The following GDF10 variants were observed in gnomAD, a reference collection of about 807,000 sequenced individuals.
The protein encoded by GDF10 is growth/differentiation factor 10.
Under a neutral mutation model 32.1 loss-of-function variants are expected in GDF10, and 23 were observed. The ratio of observed to expected loss-of-function variants is 0.72; its 90% confidence interval spans 0.52 to 1.02. The LOEUF is 1.02. GDF10 is among the 50% of genes least tolerant of loss of function. The probability of loss-of-function intolerance (pLI) is 0.00; values close to 1 mark genes in which losing one functional copy is unlikely to be tolerated. For synonymous variants in GDF10, 328 were observed against 303.1 expected (o/e 1.08, Z -0.85); for missense variants, 764 against 673.9 (o/e 1.13, Z -1.48).
intron 1 of GDF10, among the ~76,000 whole-genome samples, chr10:47,308,621 C>T (rs2061031643): frequency 6.6e-6 from 1 of 152,182 alleles, no homozygotes; most frequent in Admixed American, 6.5e-5. Context: ...GACCCATGCC[C>T]CTAGAGAGCC....
chr10:47,301,654 G>A, intron 1 of GDF10, among the ~76,000 whole-genome samples: 2 of 152,346 alleles, frequency 1.3e-5, no homozygotes, highest in Non-Finnish European at 2.9e-5. Flanking sequence ...CCTGTTCTGA[G>A]AGCACTTCCA....
At position 47,300,867 on chromosome 10, in the gene GDF10, G is replaced by C. The variant is rs146608336; in HGVS notation, c.216G>C (p.Gln72His). Residue 72 changes from glutamine to histidine, a missense_variant, in exon 1 of 3, where the codon CAG (glutamine) becomes CAC (histidine). Transcript: ENST00000580279. ...CCGCCACGTTGGGCCCCAGCGCCCA[G>C]GACATGGTCGCTGTCCACATGCACA... ...DAAATLGPSAQDMVAVHMHRL... is the reference protein window; with the variant it reads ...DAAATLGPSAHDMVAVHMHRL... 4.0e-4 allele frequency: 629 copies of C among 1,587,740 alleles called. 3 individuals carry two copies. The African/African-American group carries it at 7.0e-3, about 18-fold the overall frequency.
rs781857309 is a variant in GDF10 at position 47,310,517 on chromosome 10, G to T, written c.1041G>T (p.Val347=). 7.4e-6 allele frequency: 12 copies of T among 1,613,738 alleles called. No homozygotes were observed. Among genetic ancestry groups the T allele is most frequent in the Non-Finnish European group, 1.0e-5 (12 of 1,179,724 alleles). ...ACCGCAGGAAGAAGGGCCAGGAGGT[G>T]TTCATGGCCGCCTCGCAGGTGCTGG... is the stretch of plus-strand genomic sequence containing the variant. The part of the protein sequence containing the change: ...RKDRRKKGQE[V]FMAASQVLDF... Residue 347 remains valine, a synonymous_variant, in exon 2 of 3, where the codon GTG becomes GTT. Transcript: ENST00000580279.
At chr10:47,302,718 T>A (rs138246108) in intron 1 of GDF10, among the ~76,000 whole-genome samples, 1 of 152,332 alleles carries the variant, frequency 6.6e-6, no homozygotes, top group Non-Finnish European at 1.5e-5. Flanking sequence ...AACTCCCATC[T>A]GCCAGGTCAT....
chr10:47,311,076 G>A (rs185151567), intron 2 of GDF10, among the ~76,000 whole-genome samples: 4 of 152,228 alleles, frequency 2.6e-5, no homozygotes, highest in Admixed American at 6.5e-5. Flanking sequence ...CTGTACACAC[G>A]GCAGGTCCCA....
chr10:47,308,925 T>C (rs1214993120), intron 1 of GDF10, among the ~76,000 whole-genome samples: 2 of 152,202 alleles, frequency 1.3e-5, no homozygotes, highest in Admixed American at 1.3e-4. Context: ...TTGGGGCAGC[T>C]TCCTGGGACT....
chr10:47,310,221 A>G lies in GDF10; in HGVS notation c.745A>G (p.Asn249Asp). ...PYAPYILVYANDLAISEPNSV... is the reference protein window; with the variant it reads ...PYAPYILVYADDLAISEPNSV... ...TGCGCCCTACATCCTAGTCTATGCC[A>G]ACGATCTGGCCATCTCGGAGCCCAA... The change falls in exon 2 of 3, where the codon AAC (asparagine) becomes GAC (aspartate). Residue 249 changes from asparagine to aspartate, a missense_variant. Physicochemically the swap from Asn to Asp is conservative, Grantham distance 23 (BLOSUM62 1). Transcript: ENST00000580279. 1 of 1,610,724 alleles carries G rather than the reference A, an allele frequency of 6.2e-7. No individual in the cohort carries two copies. The highest frequency in any genetic ancestry group is 8.5e-7 in the Non-Finnish European group (1 of 1,178,768).
At chr10:47,301,628 C>G (rs2061005257) in intron 1 of GDF10, among the ~76,000 whole-genome samples, 2 of 152,226 alleles carry the variant, frequency 1.3e-5, no homozygotes, top group Non-Finnish European at 2.9e-5. Flanking sequence ...AGGGCACTTG[C>G]AAAGGCCCAT....
At position 47,309,958 on chromosome 10, in the gene GDF10, C is replaced by A; in HGVS notation, c.482C>A (p.Pro161Gln). 1 of 1,612,212 alleles carries A rather than the reference C, an allele frequency of 6.2e-7. No homozygotes were observed. Among genetic ancestry groups the A allele is most frequent in the Non-Finnish European group, 8.5e-7 (1 of 1,179,472 alleles). ...KPRAKNASGR[P>Q]LPLGPPTRQH... ...CGGGCCAAGAACGCTTCAGGCCGCC[C>A]GCTGCCCCTGGGCCCGCCCACACGC... The change falls in exon 2 of 3, where the codon CCG becomes CAG. Residue 161 changes from proline (P) to glutamine (Q), a missense_variant. Pro to Gln is a moderately conservative substitution (Grantham distance 76, BLOSUM62 -1). Coordinates refer to ENST00000580279, the MANE Select transcript of GDF10 (RefSeq NM_004962.5).
In GDF10 at chr10:47,310,700, A is replaced by AT. The variant is rs2061043145; in HGVS notation, c.1225dup (p.Cys409LeufsTer2). 2 of 1,612,424 alleles carry AT rather than the reference A, an allele frequency of 1.2e-6. No individual in the cohort carries two copies. Among genetic ancestry groups the AT allele is most frequent in the African/African-American group, 2.7e-5 (2 of 74,898 alleles). On this transcript the variant is annotated frameshift_variant, in exon 2 of 3. Transcript: ENST00000580279. LOFTEE classifies it high-confidence loss of function. ...TTGATGCCTACTACTGCGCGGGAGC[A>AT]TGTGAGTTCCCCATGCCTAAGGTAG...
chr10:47,312,712 G>T lies in GDF10; in HGVS notation c.1357G>T (p.Val453Phe). 1 of 1,608,644 alleles carries T rather than the reference G, an allele frequency of 6.2e-7. No homozygotes were observed. Among genetic ancestry groups the T allele is most frequent in the Non-Finnish European group, 8.5e-7 (1 of 1,177,060 alleles). ...TCCCGATAAGATGAACTCCCTTGGG[G>T]TCCTCTTCCTGGATGAGAATCGGAA... ...CVPDKMNSLG[V>F]LFLDENRNVV... The change falls in exon 3 of 3, where the codon GTC becomes TTC. Residue 453 changes from valine (V) to phenylalanine (F), a missense_variant. Physicochemically the swap from Val to Phe is conservative, Grantham distance 50 (BLOSUM62 -1). Coordinates refer to ENST00000580279, the MANE Select transcript of GDF10 (RefSeq NM_004962.5).
chr10:47,310,186 C>A lies in GDF10; in HGVS notation c.710C>A (p.Pro237His). 1 of 1,611,916 alleles carries A rather than the reference C, an allele frequency of 6.2e-7. No individual in the cohort carries two copies. The highest frequency in any genetic ancestry group is 1.1e-5 in the South Asian group (1 of 90,886). Residue 237 changes from proline to histidine, a missense_variant, in exon 2 of 3, where the codon CCC becomes CAC. Physicochemically the swap from Pro to His is moderately conservative, Grantham distance 77 (BLOSUM62 -2). Coordinates refer to ENST00000580279, the MANE Select transcript of GDF10 (RefSeq NM_004962.5). Reference protein sequence around the residue: ...SEERDPGVPRPSPYAPYILVY... With the variant: ...SEERDPGVPRHSPYAPYILVY... ...GAGAGGGACCCGGGGGTGCCCCGGC[C>A]CAGCCCCTATGCGCCCTACATCCTA...
At position 47,300,697 on chromosome 10, in the gene GDF10, C is replaced by T. The variant is rs782128863; in HGVS notation, c.46C>T (p.Leu16=). ...GACCAGCCCGGGACCCGGGCCCCAG[C>T]TGCTGCTGCTGCTGCTGCCGTTGTT... ...ARTSPGPGPQ[L]LLLLLPLFLL... is the part of the protein sequence containing the mutation. The change falls in exon 1 of 3, where the codon CTG becomes TTG. Residue 16 remains leucine, a synonymous_variant. Transcript: ENST00000580279. The T allele has an allele frequency of 5.3e-5, 82 of 1,546,082 alleles. No individual in the cohort carries two copies. The highest frequency in any genetic ancestry group is 6.9e-5 in the Non-Finnish European group (79 of 1,137,758).
Position 47,300,600 on chromosome 10 carries a change from G to C in GDF10, c.-52G>C, listed in dbSNP as rs782544187. The C allele has an allele frequency of 4.0e-6, 6 of 1,500,892 alleles. No individual in the cohort carries two copies. The highest frequency in any genetic ancestry group is 5.4e-6 in the Non-Finnish European group (6 of 1,120,066). 93.0% of individuals were successfully genotyped at this position (1,500,892 alleles called of 1,614,324 possible). A position where few individuals can be genotyped will look rare whatever the true frequency, so the allele number is the denominator to read the frequency against. On this transcript the variant is annotated 5_prime_UTR_variant, in exon 1 of 3. Transcript: ENST00000580279. ...TCAGTCCGCAGCCTCCGGTGCGCCA[G>C]CGCTCGCCTTCCTCCTCCTGGACTT...
chr10:47,303,993 G>A (rs1555207019), intron 1 of GDF10, among the ~76,000 whole-genome samples: 1 of 152,188 alleles, frequency 6.6e-6, no homozygotes, highest in Non-Finnish European at 1.5e-5. Context: ...AGCAGGCCTG[G>A]GGGGTGGCAT....
chr10:47,310,191 C>T lies in GDF10; in HGVS notation c.715C>T (p.Pro239Ser). Residue 239 changes from proline to serine, a missense_variant, in exon 2 of 3, where the codon CCC becomes TCC. Physicochemically the swap from Pro to Ser is moderately conservative, Grantham distance 74. Coordinates refer to ENST00000580279, the MANE Select transcript of GDF10 (RefSeq NM_004962.5). ...GGACCCGGGGGTGCCCCGGCCCAGC[C>T]CCTATGCGCCCTACATCCTAGTCTA... is the stretch of plus-strand genomic sequence containing the variant. ...ERDPGVPRPSPYAPYILVYAN... is the reference protein window; with the variant it reads ...ERDPGVPRPSSYAPYILVYAN... The T allele has an allele frequency of 6.2e-7, 1 of 1,611,634 alleles. No individual in the cohort carries two copies. The highest frequency in any genetic ancestry group is 1.3e-5 in the African/African-American group (1 of 75,042).
At position 47,300,525 on chromosome 10, in the gene GDF10, T is replaced by C; in HGVS notation, c.-127T>C. On this transcript the variant is annotated 5_prime_UTR_variant, in exon 1 of 3. Coordinates refer to ENST00000580279, the MANE Select transcript of GDF10 (RefSeq NM_004962.5). ...CCCTCGCCCCGCGCGGACCTCGGTATCCAGCGCCCTGCTGCCCGGGCTCTC... is the reference window on the plus strand; with the variant it reads ...CCCTCGCCCCGCGCGGACCTCGGTACCCAGCGCCCTGCTGCCCGGGCTCTC... 1.2e-6 allele frequency: 1 copy of C among 831,276 alleles called. No homozygotes were observed. Among genetic ancestry groups the C allele is most frequent in the Non-Finnish European group, 1.8e-6 (1 of 564,326 alleles). 51.5% of individuals were successfully genotyped at this position (831,276 alleles called of 1,614,324 possible).
chr10:47,301,153 G>C (rs1474417452), intron 1 of GDF10, among the ~76,000 whole-genome samples, 183 bp downstream of exon 1: 1 of 152,248 alleles, frequency 6.6e-6, no homozygotes, highest in Non-Finnish European at 1.5e-5. Context: ...GGGGCACCAA[G>C]AGTGGCAGCA....
At chr10:47,312,575 A>C in intron 2 of GDF10, 26 bp from the exon 3 acceptor site, 1 of 1,515,440 alleles carries the variant, frequency 6.6e-7, no homozygotes, top group Non-Finnish European at 9.0e-7. Flanking sequence ...GAGCTGAGGT[A>C]ACCCTACTCC....
Sources: gnomAD v4.1 joint callset for allele counts (sites outside exome capture counted in the v4.1 genomes callset) on GRCh38, gnomAD v4.1.1 for gene constraint, MANE v1.5 for transcripts, NCBI Gene and HGNC (gene_info 2026-07-23, HGNC 2026-07-21) for gene names.